Variants in TRAPPC8 observed in about 807,000 individuals in gnomAD.
TRAPPC8 encodes trafficking protein particle complex subunit 8, also known as general sporulation gene 1 homolog.
In TRAPPC8, 54 loss-of-function variants were observed where a neutral mutation model predicts 174.3. That is an observed-to-expected ratio of 0.31 (90% CI 0.25 to 0.39). The LOEUF (loss-of-function observed/expected upper bound fraction) is 0.39. Ranked by LOEUF, TRAPPC8 falls within the 10% of genes least tolerant of loss-of-function variation. The pLI is 1.00. For missense variants in TRAPPC8, 1,531 were observed against 1,699.1 expected, an observed-to-expected ratio of 0.90 and a Z score of 1.74; for synonymous variants, 630 against 579.9, an observed-to-expected ratio of 1.09 and a Z score of -1.24.
chr18:31,941,926 CA>C (rs1321939236), intron 1 of TRAPPC8, among the ~76,000 whole-genome samples: 1 of 152,204 alleles, frequency 6.6e-6, no homozygotes, highest in African/African-American at 2.4e-5. Flanking sequence ...CAAGAGAAGA[CA>C]TTTCCATCCC....
rs2037000997 is a variant in TRAPPC8, at chr18:31,913,420, C to T, written c.720G>A (p.Gln240=). 1 of 1,608,566 alleles carries T rather than the reference C, an allele frequency of 6.2e-7. No homozygotes were observed. Among genetic ancestry groups the T allele is most frequent in the South Asian group, 1.1e-5 (1 of 89,822 alleles). The change falls in exon 5 of 29, where the codon CAG becomes CAA. Residue 240 remains glutamine, a synonymous_variant. Coordinates refer to ENST00000283351, the MANE Select transcript of TRAPPC8 (RefSeq NM_014939.5). ...GATACTGACTCCAAGGATCTGGTAT[C>T]TGTTCATCTGATGCTCGATTAGATG... ...SRTSNRASDE[Q]IPDPWSQYLQ...
At chr18:31,893,497 T>C (rs909018222) in intron 11 of TRAPPC8, among the ~76,000 whole-genome samples, 7 of 152,180 alleles carry the variant, frequency 4.6e-5, no homozygotes, top group Non-Finnish European at 8.8e-5. Flanking sequence ...ATGAATAAGC[T>C]AAGATTCCAA....
intron 12 of TRAPPC8, 21 bp downstream of exon 12, chr18:31,890,714 T>C (rs1277865092): frequency 3.1e-6 from 5 of 1,591,514 alleles, no homozygotes; most frequent in South Asian, 1.2e-5. Context: ...CAACTTTTCA[T>C]TGTAAAGCAA....
intron 9 of TRAPPC8, among the ~76,000 whole-genome samples, chr18:31,902,637 T>G (rs2036483168): frequency 6.6e-6 from 1 of 152,142 alleles, no homozygotes; most frequent in African/African-American, 2.4e-5. Flanking sequence ...GGAAAAAAGG[T>G]TGGCCAGGCC....
intron 12 of TRAPPC8, among the ~76,000 whole-genome samples, chr18:31,889,692 G>A (rs141538156): frequency 1.0e-3 from 156 of 152,220 alleles, no homozygotes; most frequent in African/African-American, 3.6e-3. Context: ...TTATAAAGAC[G>A]TTTAATTTTA....
rs774307486 is a variant in TRAPPC8, at chr18:31,908,982, G to T, written c.894C>A (p.His298Gln). The T allele has an allele frequency of 1.1e-5, 17 of 1,610,966 alleles. No individual in the cohort carries two copies. In the Middle Eastern group the frequency reaches 2.0e-3, roughly 188 times the overall value. The change falls in exon 7 of 29, where the codon CAC (histidine) becomes CAA (glutamine). Residue 298 changes from histidine to glutamine, a missense_variant. Coordinates refer to ENST00000283351, the MANE Select transcript of TRAPPC8 (RefSeq NM_014939.5). Reference sequence around the variant, plus strand: ...CACTGGATTGCTCCAACTGAAGTGGGTGAGCTCTAAAGTTATTTGGTAAGC... The same window carrying T: ...CACTGGATTGCTCCAACTGAAGTGGTTGAGCTCTAAAGTTATTTGGTAAGC... ...KDGLPNNFRAHPLQLEQSSDP... is the reference protein window; with the variant it reads ...KDGLPNNFRAQPLQLEQSSDP...
intron 11 of TRAPPC8, among the ~76,000 whole-genome samples, 169 bp downstream of exon 11, chr18:31,897,617 C>T (rs2036236572): frequency 6.6e-6 from 1 of 151,914 alleles, no homozygotes; most frequent in Non-Finnish European, 1.5e-5. Context: ...TAAAAAATTA[C>T]ATTTAAAATT....
At chr18:31,942,492 C>A (rs778992686) in intron 1 of TRAPPC8, 116 bp downstream of exon 1, 1 of 1,328,916 alleles carries the variant, frequency 7.5e-7, no homozygotes, top group African/African-American at 1.5e-5. Context: ...CCCCAGACGC[C>A]ACGGTACCGG....
chr18:31,865,484 T>A (rs1003467442), intron 18 of TRAPPC8, among the ~76,000 whole-genome samples: 1 of 152,032 alleles, frequency 6.6e-6, no homozygotes, highest in African/African-American at 2.4e-5. Context: ...CCACACTTCA[T>A]GTGACCCAAA....
In TRAPPC8 at chr18:31,935,119, C is replaced by T. The variant is rs147460135; in HGVS notation, c.158-3596G>A. ...CAACACTTTGAGAGGCCTTGGCGGG[C>T]GGATCACCTGAGGTTGGGAGTTCAA... is the stretch of plus-strand genomic sequence containing the variant. On this transcript the variant is annotated intron_variant, in intron 1 of 28. Coordinates refer to ENST00000283351, the MANE Select transcript of TRAPPC8 (RefSeq NM_014939.5). Among the ~76,000 whole-genome samples, 1,087 of 151,636 alleles carry T rather than the reference C, an allele frequency of 7.2e-3. 16 individuals are homozygous for T. The highest frequency in any genetic ancestry group is 0.025 in the African/African-American group (1,042 of 41,370).
At position 31,864,709 on chromosome 18, in the gene TRAPPC8, G is replaced by A; in HGVS notation, c.2663C>T (p.Thr888Ile). The change falls in exon 19 of 29, where the codon ACA becomes ATA. Residue 888 changes from threonine to isoleucine, a missense_variant. Physicochemically the swap from Thr to Ile is moderately conservative, Grantham distance 89. Transcript: ENST00000283351. ...LEIQGPRLNN[T>I]KEEKTSVKYG... ...TTTAACAGATGTTTTCTCTTCTTTT[G>A]TGTTGTTAAGTCGAGGACCTTGAAT... is the stretch of plus-strand genomic sequence containing the variant. The A allele has an allele frequency of 1.2e-6, 2 of 1,612,926 alleles. No individual in the cohort carries two copies. Among genetic ancestry groups the A allele is most frequent in the Non-Finnish European group, 1.7e-6 (2 of 1,179,422 alleles).
chr18:31,903,133 T>TGTGA (rs1357014331), intron 9 of TRAPPC8, among the ~76,000 whole-genome samples: 1 of 151,480 alleles, frequency 6.6e-6, no homozygotes, highest in Non-Finnish European at 1.5e-5. Context: ...TGTGTGTGTG[T>TGTGA]GTGTGTGTGT....
intron 5 of TRAPPC8, among the ~76,000 whole-genome samples, chr18:31,911,673 C>G (rs62093867): frequency 6.9e-6 from 1 of 144,654 alleles, no homozygotes; most frequent in Admixed American, 7.3e-5. Context: ...CAGGAGGCAG[C>G]TGTTGCAGTG....
Position 31,939,005 on chromosome 18 carries a change from G to A in TRAPPC8, c.157+3603C>T, listed in dbSNP as rs565728248. ...TGAGGCAGGAGAATCACTTGAACCC[G>A]GGAGGCGGAGCTTGCAGTGAGCCAA... On this transcript the variant is annotated intron_variant, in intron 1 of 28. Transcript: ENST00000283351. Among the ~76,000 whole-genome samples the A allele has an allele frequency of 1.2e-4, 18 of 151,578 alleles. 1 individual carries two copies. Among genetic ancestry groups the A allele is most frequent in the Non-Finnish European group, 1.5e-4 (10 of 67,896 alleles).
intron 2 of TRAPPC8, among the ~76,000 whole-genome samples, 159 bp from the exon 3 acceptor site, chr18:31,917,826 T>C (rs879908108): frequency 3.3e-5 from 5 of 152,148 alleles, no homozygotes; most frequent in Non-Finnish European, 5.9e-5. Context: ...TGTGTGTATA[T>C]ATAAAATGTG....
At chr18:31,834,267 C>T (rs767649547) in intron 27 of TRAPPC8, among the ~76,000 whole-genome samples, 1 of 151,808 alleles carries the variant, frequency 6.6e-6, no homozygotes, top group South Asian at 2.1e-4. Flanking sequence ...CCACCACACC[C>T]GGCTAATTTT....
chr18:31,839,200 A>T, intron 27 of TRAPPC8, 112 bp downstream of exon 27: 1 of 1,069,540 alleles, frequency 9.3e-7, no homozygotes, highest in Non-Finnish European at 1.3e-6. Flanking sequence ...ACTCAAAAAC[A>T]TTCTAAATTT....
At chr18:31,927,732 G>A (rs1444250632) in intron 2 of TRAPPC8, among the ~76,000 whole-genome samples, 2 of 152,154 alleles carry the variant, frequency 1.3e-5, no homozygotes, top group African/African-American at 4.8e-5. Flanking sequence ...AGGTATATGG[G>A]CTTTGGAGGT....
intron 12 of TRAPPC8, 53 bp from the exon 13 acceptor site, chr18:31,874,757 G>GA (rs1409107972): frequency 2.0e-6 from 3 of 1,486,542 alleles, no homozygotes; most frequent in Non-Finnish European, 2.7e-6. Context: ...GTTTGAACTA[G>GA]AAAAAACAAA....
Sources: allele counts gnomAD v4.1 joint callset (sites outside exome capture counted in the v4.1 genomes callset), GRCh38; gene constraint gnomAD v4.1.1; transcripts MANE v1.5; gene names NCBI Gene and HGNC (gene_info 2026-07-23, HGNC 2026-07-21).